SCFD2: variants seen among roughly 807,000 people sequenced by gnomAD.
SCFD2 encodes sec1 family domain containing 2.
Under a neutral mutation model 58.9 loss-of-function variants are expected in SCFD2, and 54 were observed. The ratio of observed to expected loss-of-function variants is 0.92; its 90% confidence interval spans 0.74 to 1.15. SCFD2 has a LOEUF of 1.15. Among genes scored for constraint, SCFD2 ranks in the 50% most tolerant of loss-of-function variants. The probability of loss-of-function intolerance (pLI) is 0.00; values close to 1 mark genes in which losing one functional copy is unlikely to be tolerated. For synonymous variants in SCFD2, 321 were observed against 335.9 expected (o/e 0.96, Z 0.49); for missense variants, 805 against 836.6 (o/e 0.96, Z 0.47).
intron 8 of SCFD2, among the ~76,000 whole-genome samples, chr4:52,876,579 A>T (rs1469198677): frequency 6.6e-6 from 1 of 151,858 alleles, no homozygotes; most frequent in Admixed American, 6.6e-5. Context: ...GTGAAACCCC[A>T]TCTCTACTAA....
At chr4:53,249,471 C>T (rs1730264195) in intron 4 of SCFD2, among the ~76,000 whole-genome samples, 1 of 152,120 alleles carries the variant, frequency 6.6e-6, no homozygotes, top group Admixed American at 6.5e-5. Flanking sequence ...CAAAGATAAT[C>T]CTTGAGAAGA....
intron 4 of SCFD2, among the ~76,000 whole-genome samples, chr4:53,186,342 T>TA (rs1247787319): frequency 6.6e-6 from 1 of 152,122 alleles, no homozygotes; most frequent in Non-Finnish European, 1.5e-5. Flanking sequence ...TAAAGCTCTT[T>TA]ATGAATGCTT....
chr4:53,314,655 C>T (rs889592597), intron 2 of SCFD2, among the ~76,000 whole-genome samples: 26 of 152,150 alleles, frequency 1.7e-4, no homozygotes, highest in African/African-American at 5.3e-4. Flanking sequence ...AAAATAAATA[C>T]ATTTTTAATT....
chr4:52,965,830 G>T (rs1720950750), intron 5 of SCFD2, among the ~76,000 whole-genome samples: 1 of 152,218 alleles, frequency 6.6e-6, no homozygotes, highest in Non-Finnish European at 1.5e-5. Context: ...GGAAGATCAT[G>T]GTTGTGGTCT....
At chr4:53,145,819 A>G (rs1253457079) in intron 4 of SCFD2, among the ~76,000 whole-genome samples, 1 of 152,204 alleles carries the variant, frequency 6.6e-6, no homozygotes, top group African/African-American at 2.4e-5. Context: ...GTTCCATTAT[A>G]TCATCTTAAC....
intron 1 of SCFD2, among the ~76,000 whole-genome samples, chr4:53,353,606 T>C (rs1734307345): frequency 6.6e-6 from 1 of 152,168 alleles, no homozygotes; most frequent in Non-Finnish European, 1.5e-5. Context: ...GAGTGGTCCA[T>C]TTTGACAGGG....
chr4:53,252,680 A>G (rs1730438637), intron 4 of SCFD2, among the ~76,000 whole-genome samples: 1 of 152,286 alleles, frequency 6.6e-6, no homozygotes, highest in Non-Finnish European at 1.5e-5. Flanking sequence ...CTGGCTAGCC[A>G]TATGTAGAAA....
chr4:52,905,022 T>A (rs933027453), intron 7 of SCFD2, among the ~76,000 whole-genome samples: 2 of 152,218 alleles, frequency 1.3e-5, no homozygotes, highest in African/African-American at 4.8e-5. Context: ...TGGTAAGAAC[T>A]TGGCTGAACC....
chr4:53,336,973 C>A lies in SCFD2; in HGVS notation c.1007+15625G>T, dbSNP rs28767866. On this transcript the variant is annotated intron_variant, in intron 2 of 8. Coordinates refer to ENST00000401642, the MANE Select transcript of SCFD2 (RefSeq NM_152540.4). ...AGTATCATTAGCCATGAGGGAAATG[C>A]AAATTCAAACCACAATGAGATACCA... Among the ~76,000 whole-genome samples, 242 of 152,238 alleles carry A rather than the reference C, an allele frequency of 1.6e-3. 1 individual carries two copies. The highest frequency in any genetic ancestry group is 5.6e-3 in the African/African-American group (234 of 41,558).
chr4:53,104,799 C>A (rs1366242141), intron 5 of SCFD2, among the ~76,000 whole-genome samples: 1 of 152,162 alleles, frequency 6.6e-6, no homozygotes, highest in Non-Finnish European at 1.5e-5. Flanking sequence ...GATGACCTGA[C>A]GTTTCCTCAC....
intron 3 of SCFD2, among the ~76,000 whole-genome samples, chr4:53,282,306 T>G (rs1731530626): frequency 6.6e-6 from 1 of 152,198 alleles, no homozygotes; most frequent in Non-Finnish European, 1.5e-5. Flanking sequence ...TCTAGATTGC[T>G]TCTGTATGTT....
At chr4:53,286,742 G>A (rs1488840930) in intron 3 of SCFD2, among the ~76,000 whole-genome samples, 1 of 152,160 alleles carries the variant, frequency 6.6e-6, no homozygotes, top group Non-Finnish European at 1.5e-5. Context: ...TTTGGAGTCT[G>A]AGCTGTTGAG....
At chr4:52,946,221 C>T (rs964831416) in intron 5 of SCFD2, among the ~76,000 whole-genome samples, 1 of 152,118 alleles carries the variant, frequency 6.6e-6, no homozygotes, top group Non-Finnish European at 1.5e-5. Context: ...GCTATGTTTT[C>T]CTTCTTGGTA....
intron 4 of SCFD2, among the ~76,000 whole-genome samples, chr4:53,219,921 T>A (rs1676383742): frequency 6.6e-6 from 1 of 152,174 alleles, no homozygotes; most frequent in Non-Finnish European, 1.5e-5. Context: ...ATCTGCCCAG[T>A]CATCCCCTCC....
intron 4 of SCFD2, among the ~76,000 whole-genome samples, chr4:53,267,578 T>A (rs1731029624): frequency 1.3e-5 from 2 of 152,192 alleles, no homozygotes; most frequent in Non-Finnish European, 2.9e-5. Flanking sequence ...ATCTTATTTA[T>A]TTATTTAAGA....
chr4:53,093,919 CT>C (rs1229795348), intron 5 of SCFD2, among the ~76,000 whole-genome samples: 1 of 151,990 alleles, frequency 6.6e-6, no homozygotes, highest in East Asian at 1.9e-4. Context: ...AATTTTTAAA[CT>C]TTTGGATTTT....
chr4:53,074,945 T>A (rs1013483252), intron 5 of SCFD2, among the ~76,000 whole-genome samples: 1 of 152,152 alleles, frequency 6.6e-6, no homozygotes, highest in Non-Finnish European at 1.5e-5. Flanking sequence ...AAGAGAGCCA[T>A]CCTGTCCTTA....
At chr4:53,138,156 G>C (rs1173378125) in intron 5 of SCFD2, among the ~76,000 whole-genome samples, 1 of 151,996 alleles carries the variant, frequency 6.6e-6, no homozygotes, top group East Asian at 1.9e-4. Context: ...ATACTAGATG[G>C]ACCAAACATT....
At chr4:53,049,178 T>G (rs1212476561) in intron 5 of SCFD2, among the ~76,000 whole-genome samples, 2 of 152,140 alleles carry the variant, frequency 1.3e-5, no homozygotes, top group Non-Finnish European at 2.9e-5. Context: ...GGAAACAAAT[T>G]TTAATCTTTG....
Sources: allele counts gnomAD v4.1 joint callset (sites outside exome capture counted in the v4.1 genomes callset), GRCh38; gene constraint gnomAD v4.1.1; transcripts MANE v1.5; gene names NCBI Gene and HGNC (gene_info 2026-07-23, HGNC 2026-07-21).